The following ZFHX3 variants were observed in gnomAD, a reference collection of about 807,000 sequenced individuals.
ZFHX3 encodes the protein zinc finger homeobox protein 3.
A neutral mutation model predicts 279.1 loss-of-function variants in ZFHX3; 42 were observed. That is an observed-to-expected ratio of 0.15 (90% CI 0.12 to 0.19). The LOEUF (loss-of-function observed/expected upper bound fraction) is 0.19. ZFHX3 is among the 10% of genes least tolerant of loss of function. The pLI, the probability that ZFHX3 is intolerant of heterozygous loss-of-function variation, is 1.00. For missense variants in ZFHX3, 4,981 were observed against 4,754.0 expected (o/e 1.05, Z -1.40); for synonymous variants, 2,293 against 1,957.8 (o/e 1.17, Z -4.52).
In ZFHX3 at chr16:72,795,209, CTGTGGAGGGGGCGCT is replaced by C. The variant is rs2035861031; in HGVS notation, c.7458_7472del (p.Ala2487_Gln2491del). Reference sequence around the variant, plus strand: ...TGGGGCTCGACTGGGGTAAGGGGCACTGTGGAGGGGGCGCTTGTGGAGGAGGCTGTGGCAACGAAG... The same window carrying C: ...TGGGGCTCGACTGGGGTAAGGGGCACTGTGGAGGAGGCTGTGGCAACGAAG... On this transcript the variant is annotated inframe_deletion, in exon 9 of 10. Coordinates refer to ENST00000268489, the MANE Select transcript of ZFHX3 (RefSeq NM_006885.4). 3 of 1,606,230 alleles carry C rather than the reference CTGTGGAGGGGGCGCT, an allele frequency of 1.9e-6. No individual in the cohort carries two copies. Among genetic ancestry groups the C allele is most frequent in the Non-Finnish European group, 2.6e-6 (3 of 1,176,302 alleles).
At chr16:72,943,292 AG>A (rs1960499043) in intron 3 of ZFHX3, among the ~76,000 whole-genome samples, 1 of 152,140 alleles carries the variant, frequency 6.6e-6, no homozygotes, top group Admixed American at 6.5e-5. Context: ...TCGGCACTCT[AG>A]GAGGCCAAGG....
At chr16:73,765,673 T>C (rs1227026530) in intron 1 of ZFHX3, among the ~76,000 whole-genome samples, 2 of 152,216 alleles carry the variant, frequency 1.3e-5, no homozygotes, top group Non-Finnish European at 2.9e-5. Context: ...CAAACTAACT[T>C]GGGAAAACAC....
intron 1 of ZFHX3, among the ~76,000 whole-genome samples, chr16:73,763,959 AG>A (rs2053899731): frequency 6.6e-6 from 1 of 152,164 alleles, no homozygotes; most frequent in South Asian, 2.1e-4. Context: ...ATCCTTCCCT[AG>A]TAGATCCTCC....
intron 2 of ZFHX3, among the ~76,000 whole-genome samples, chr16:73,576,705 A>T (rs571249925): frequency 1.3e-5 from 2 of 152,146 alleles, no homozygotes; most frequent in East Asian, 1.9e-4. Context: ...TAAAAAAACA[A>T]AAACAAAAAC....
intron 1 of ZFHX3, among the ~76,000 whole-genome samples, chr16:73,021,682 T>G (rs1328433021): frequency 2.0e-5 from 3 of 151,632 alleles, no homozygotes; most frequent in Non-Finnish European, 4.4e-5. Flanking sequence ...AATACAAAAA[T>G]TAGCCAGGTG....
intron 1 of ZFHX3, among the ~76,000 whole-genome samples, chr16:72,962,463 G>C (rs1274166842): frequency 6.6e-6 from 1 of 152,142 alleles, no homozygotes; most frequent in Non-Finnish European, 1.5e-5. Flanking sequence ...GGTGACACTA[G>C]AGCCCACCCA....
At chr16:73,640,097 T>C (rs1437170212) in intron 2 of ZFHX3, among the ~76,000 whole-genome samples, 1 of 152,146 alleles carries the variant, frequency 6.6e-6, no homozygotes, top group Non-Finnish European at 1.5e-5. Flanking sequence ...AGGCTTATTT[T>C]AGGAAGTATT....
At chr16:73,835,097 C>T (rs1961103244) in intron 1 of ZFHX3, among the ~76,000 whole-genome samples, 1 of 152,158 alleles carries the variant, frequency 6.6e-6, no homozygotes, top group Admixed American at 6.5e-5. Flanking sequence ...ACTCCCCCAG[C>T]TACCAAAAAC....
Position 73,392,418 on chromosome 16 carries a change from CAAAA to C in ZFHX3, c.-1291+63581_-1291+63584del, listed in dbSNP as rs35019692. Among the ~76,000 whole-genome samples, 126 of 35,786 alleles carry C rather than the reference CAAAA, an allele frequency of 3.5e-3. No homozygotes were observed. In the East Asian group the frequency reaches 0.036, roughly 10 times the overall value. 23.5% of individuals were successfully genotyped at this position (35,786 alleles called of 152,430 possible). ...TGGGTGACAGAATGAGACCCTGTCT[CAAAA>C]AAAAAAAAAAAAAAAAAAAAAGAGT... On this transcript the variant is annotated intron_variant, in intron 3 of 17. Coordinates refer to the ZFHX3 transcript ENST00000641206.
intron 2 of ZFHX3, among the ~76,000 whole-genome samples, chr16:73,602,586 A>C (rs570891191): frequency 6.6e-6 from 1 of 152,274 alleles, no homozygotes; most frequent in African/African-American, 2.4e-5. Flanking sequence ...CTCAACCTCT[A>C]TGAATTCCTA....
intron 3 of ZFHX3, among the ~76,000 whole-genome samples, chr16:73,382,144 A>G (rs530438720): frequency 6.6e-6 from 1 of 152,244 alleles, no homozygotes; most frequent in Admixed American, 6.5e-5. Flanking sequence ...CAGATGGAGC[A>G]AGGACTTAAA....
intron 2 of ZFHX3, among the ~76,000 whole-genome samples, chr16:73,559,148 A>G (rs1027457035): frequency 1.3e-4 from 19 of 151,626 alleles, no homozygotes; most frequent in African/African-American, 4.6e-4. Flanking sequence ...CCGGGGCTCA[A>G]GCTATCCTCC....
At chr16:73,262,597 G>C (rs924892259) in intron 4 of ZFHX3, among the ~76,000 whole-genome samples, 5 of 152,166 alleles carry the variant, frequency 3.3e-5, no homozygotes, top group African/African-American at 1.2e-4. Flanking sequence ...AGACAAAGTG[G>C]TTGCCCAAGG....
At chr16:73,119,851 T>C (rs1966476073) in intron 7 of ZFHX3, among the ~76,000 whole-genome samples, 1 of 151,928 alleles carries the variant, frequency 6.6e-6, no homozygotes, top group Non-Finnish European at 1.5e-5. Context: ...GTTTATACTT[T>C]TTATTTTTAC....
intron 1 of ZFHX3, among the ~76,000 whole-genome samples, chr16:73,006,858 G>A (rs1011279563): frequency 6.6e-6 from 1 of 152,028 alleles, no homozygotes; most frequent in African/African-American, 2.4e-5. Context: ...ATCATCTTTT[G>A]ATTACTTATA....
At chr16:73,147,418 C>A (rs1269253506) in intron 5 of ZFHX3, among the ~76,000 whole-genome samples, 1 of 151,860 alleles carries the variant, frequency 6.6e-6, no homozygotes, top group Non-Finnish European at 1.5e-5. Flanking sequence ...TTGGGCCGGG[C>A]GCGGTGGCTC....
chr16:73,261,632 C>A (rs2013826503), intron 4 of ZFHX3, among the ~76,000 whole-genome samples: 2 of 146,788 alleles, frequency 1.4e-5, no homozygotes, highest in African/African-American at 5.0e-5. Context: ...AATTTGATCA[C>A]TATTCCTTTG....
At chr16:73,719,554 A>T (rs984586928) in intron 1 of ZFHX3, among the ~76,000 whole-genome samples, 1 of 152,230 alleles carries the variant, frequency 6.6e-6, no homozygotes, top group African/African-American at 2.4e-5. Flanking sequence ...TACACCAAGA[A>T]TGATGGAAAA....
chr16:73,221,022 G>A (rs1212008130), intron 5 of ZFHX3, among the ~76,000 whole-genome samples: 3 of 152,110 alleles, frequency 2.0e-5, no homozygotes, highest in South Asian at 2.1e-4. Flanking sequence ...AAGGGCAAAG[G>A]AATCCAAAGA....
Sources: allele counts gnomAD v4.1 joint callset (sites outside exome capture counted in the v4.1 genomes callset), GRCh38; gene constraint gnomAD v4.1.1; transcripts MANE v1.5; gene names NCBI Gene and HGNC (gene_info 2026-07-23, HGNC 2026-07-21).